SORL1: variants seen among roughly 807,000 people sequenced by gnomAD.
The protein encoded by SORL1 is sortilin related receptor 1, also known as sortilin-related receptor.
Under a neutral mutation model 273.7 loss-of-function variants are expected in SORL1, and 127 were observed. The observed-to-expected ratio is 0.46, with a 90% CI of 0.40 to 0.54. The LOEUF (loss-of-function observed/expected upper bound fraction) is 0.54. Among genes scored for constraint, SORL1 ranks in the 20% least tolerant of loss-of-function variants. The pLI is 0.00. For missense variants in SORL1, 2,494 were observed against 2,846.1 expected, an observed-to-expected ratio of 0.88 and a Z score of 2.81; for synonymous variants, 1,031 against 1,067.4, an observed-to-expected ratio of 0.97 and a Z score of 0.66.
intron 6 of SORL1, among the ~76,000 whole-genome samples, chr11:121,504,083 G>C (rs1327572359): frequency 6.6e-6 from 1 of 152,134 alleles, no homozygotes; most frequent in Non-Finnish European, 1.5e-5. Flanking sequence ...TGGGTTTTCT[G>C]GTTTTCAGTG....
intron 1 of SORL1, among the ~76,000 whole-genome samples, chr11:121,462,595 T>C (rs975133218): frequency 5.9e-5 from 9 of 152,228 alleles, no homozygotes; most frequent in African/African-American, 1.9e-4. Flanking sequence ...CTTTCTTTTT[T>C]ATTTTTTGAG....
rs1565357727 is a variant in SORL1, at chr11:121,621,255, T to A, written c.6064+17T>A. The A allele has an allele frequency of 6.2e-7, 1 of 1,609,928 alleles. No individual in the cohort carries two copies. The highest frequency in any genetic ancestry group is 2.2e-5 in the East Asian group (1 of 44,858). ...TTACCACAGGTAAGCAGGAGAGAGG[T>A]TAGAGGTCTTCTCACACAGCCTGCC... On this transcript the variant is annotated intron_variant, in intron 44 of 47. Coordinates refer to ENST00000260197, the MANE Select transcript of SORL1 (RefSeq NM_003105.6).
At position 121,633,545 on chromosome 11, in the gene SORL1, AATTGCC is replaced by A. The variant is rs1863905228; in HGVS notation, c.*3983_*3988del. Reference sequence around the variant, plus strand: ...AGCGAAATTAAGTATTTATAATTTCAATTGCCTCGATAAGTTTCCAAGTCACTGAAA... The same window carrying A: ...AGCGAAATTAAGTATTTATAATTTCATCGATAAGTTTCCAAGTCACTGAAA... On this transcript the variant is annotated 3_prime_UTR_variant, in exon 48 of 48. Transcript: ENST00000260197. 1 of 152,250 alleles carries A rather than the reference AATTGCC, an allele frequency of 6.6e-6. No homozygotes were observed. The highest frequency in any genetic ancestry group is 2.1e-4 in the South Asian group (1 of 4,834). 9.4% of individuals were successfully genotyped at this position (152,250 alleles called of 1,614,324 possible).
chr11:121,479,414 C>T (rs942863245), intron 3 of SORL1, among the ~76,000 whole-genome samples: 1 of 152,104 alleles, frequency 6.6e-6, no homozygotes, highest in Non-Finnish European at 1.5e-5. Flanking sequence ...CTTTCTGCTC[C>T]AGAAAGGAAC....
At chr11:121,584,840 C>T (rs1863070309) in intron 26 of SORL1, among the ~76,000 whole-genome samples, 1 of 152,184 alleles carries the variant, frequency 6.6e-6, no homozygotes, top group African/African-American at 2.4e-5. Context: ...GTGATCTGCC[C>T]ACCTTGGCCT....
At chr11:121,586,719 T>A (rs530075175) in intron 27 of SORL1, among the ~76,000 whole-genome samples, 43 of 145,078 alleles carry the variant, frequency 3.0e-4, no homozygotes, top group South Asian at 2.1e-3. Flanking sequence ...GGGGGGGCAT[T>A]TTTAGGCCAG....
Position 121,553,933 on chromosome 11 carries a change from G to A in SORL1, c.2267-4G>A. Reference sequence around the variant, plus strand: ...ACCTCCCACGTGTCTTGTGTGTCTGGCAGAAGAGAACGAGTTCATTCTGTA... The same window carrying A: ...ACCTCCCACGTGTCTTGTGTGTCTGACAGAAGAGAACGAGTTCATTCTGTA... On this transcript the variant is annotated splice_polypyrimidine_tract_variant and splice_region_variant and intron_variant, in intron 16 of 47. Transcript: ENST00000260197. 1 of 1,611,242 alleles carries A rather than the reference G, an allele frequency of 6.2e-7. No individual in the cohort carries two copies. Among genetic ancestry groups the A allele is most frequent in the Non-Finnish European group, 8.5e-7 (1 of 1,178,126 alleles).
At chr11:121,519,451 A>G (rs1230686917) in intron 8 of SORL1, among the ~76,000 whole-genome samples, 1 of 148,192 alleles carries the variant, frequency 6.7e-6, no homozygotes, top group Non-Finnish European at 1.5e-5. Flanking sequence ...TCTGTCGCCC[A>G]GGCTGGTTGG....
At chr11:121,493,431 A>G (rs12361125) in intron 5 of SORL1, among the ~76,000 whole-genome samples, 47,389 of 151,572 alleles carry the variant, frequency 0.31, 8,493 homozygotes, top group Middle Eastern at 0.45. Context: ...TAATTTTTGT[A>G]TTTTTAGTAG....
chr11:121,523,625 A>G (rs552787001), intron 11 of SORL1, among the ~76,000 whole-genome samples: 124 of 152,204 alleles, frequency 8.1e-4, no homozygotes, highest in African/African-American at 2.8e-3. Flanking sequence ...AAAAAAAAAA[A>G]AAGTTGTTGC....
chr11:121,590,691 G>C, intron 30 of SORL1: 1 of 639,838 alleles, frequency 1.6e-6, no homozygotes, highest in East Asian at 2.7e-5. Context: ...AATTCTCTTA[G>C]CCACCCTGTG....
At chr11:121,586,742 A>C in intron 27 of SORL1, among the ~76,000 whole-genome samples, 1 of 129,302 alleles carries the variant, frequency 7.7e-6, no homozygotes, top group East Asian at 2.5e-4. Flanking sequence ...GACCCTTTTT[A>C]TCTTCAGTTT....
At chr11:121,559,414 C>G in intron 20 of SORL1, 105 bp from the exon 21 acceptor site, 1 of 1,181,594 alleles carries the variant, frequency 8.5e-7, no homozygotes, top group Non-Finnish European at 1.2e-6. Context: ...AGTCATTCAG[C>G]CAATAAATGT....
At position 121,470,028 on chromosome 11, in the gene SORL1, A is replaced by C. The variant is rs142933415; in HGVS notation, c.307A>C (p.Asn103His). ...TCAGGTTAGTCTGAATGATTCCCAC[A>C]ATCAGATGGTGGTGCACTGGGCTGG... is the stretch of plus-strand genomic sequence containing the variant. ...YGQVSLNDSH[N>H]QMVVHWAGEK... The change falls in exon 2 of 48, where the codon AAT (asparagine) becomes CAT (histidine). Residue 103 changes from asparagine (N) to histidine (H), a missense_variant. Physicochemically the swap from Asn to His is moderately conservative, Grantham distance 68. Coordinates refer to ENST00000260197, the MANE Select transcript of SORL1 (RefSeq NM_003105.6). The C allele has an allele frequency of 5.0e-6, 8 of 1,613,726 alleles. No homozygotes were observed. In the African/African-American group the frequency reaches 1.1e-4, roughly 22 times the overall value.
chr11:121,623,725 G>C (rs1001300800), intron 45 of SORL1, among the ~76,000 whole-genome samples: 2 of 152,210 alleles, frequency 1.3e-5, no homozygotes, highest in Non-Finnish European at 2.9e-5. Flanking sequence ...GATCCTTCCT[G>C]GGTGGCTGGA....
Position 121,543,723 on chromosome 11 carries a change from T to C in SORL1, c.1861T>C (p.Leu621=). The change falls in exon 13 of 48, where the codon TTG becomes CTG. Residue 621 remains leucine, a synonymous_variant. Transcript: ENST00000260197. ...CCTCCAGGTCAATGCCACGGATGCCTTGGGTAAGCTGCTGCCTCCTTGGAC... is the reference window on the plus strand; with the variant it reads ...CCTCCAGGTCAATGCCACGGATGCCCTGGGTAAGCTGCTGCCTCCTTGGAC... The part of the protein sequence containing the change: ...LILQVNATDA[L]GVPCTENDYK... 1 of 1,611,476 alleles carries C rather than the reference T, an allele frequency of 6.2e-7. No homozygotes were observed. The highest frequency in any genetic ancestry group is 8.5e-7 in the Non-Finnish European group (1 of 1,178,942).
intron 31 of SORL1, among the ~76,000 whole-genome samples, chr11:121,593,203 C>T (rs775032233): frequency 1.3e-5 from 2 of 152,196 alleles, no homozygotes; most frequent in African/African-American, 2.4e-5. Flanking sequence ...TATTTTTTAT[C>T]ACCTGTCTCC....
intron 24 of SORL1, chr11:121,576,761 C>T: frequency 6.8e-7 from 1 of 1,473,804 alleles, no homozygotes; most frequent in Non-Finnish European, 9.0e-7. Context: ...GCTCTGCCCA[C>T]AGAAAGTCCC....
intron 10 of SORL1, 60 bp downstream of exon 10, chr11:121,522,763 T>C (rs1190212900): frequency 6.9e-7 from 1 of 1,441,210 alleles, no homozygotes; most frequent in Admixed American, 1.7e-5. Flanking sequence ...GCAGGCCAAA[T>C]GCAGAGCGAT....
Sources: allele counts gnomAD v4.1 joint callset (sites outside exome capture counted in the v4.1 genomes callset), GRCh38; gene constraint gnomAD v4.1.1; transcripts MANE v1.5; gene names NCBI Gene and HGNC (gene_info 2026-07-23, HGNC 2026-07-21).